GABBR2: variants seen among roughly 807,000 people sequenced by gnomAD.
GABBR2 encodes the protein G-protein coupled receptor 51.
In GABBR2, 23 loss-of-function variants were observed where a neutral mutation model predicts 105.6. The observed-to-expected ratio is 0.22, with a 90% CI of 0.16 to 0.31. The LOEUF is 0.31. GABBR2 is among the 10% of genes least tolerant of loss of function. The probability of loss-of-function intolerance (pLI) is 1.00; values close to 1 mark genes in which losing one functional copy is unlikely to be tolerated. For synonymous variants in GABBR2, 478 were observed against 499.7 expected (o/e 0.96, Z 0.58); for missense variants, 734 against 1,245.5 (o/e 0.59, Z 6.18).
intron 1 of GABBR2, among the ~76,000 whole-genome samples, chr9:98,701,724 C>T (rs910685454): frequency 2.6e-5 from 4 of 152,044 alleles, no homozygotes; most frequent in Non-Finnish European, 4.4e-5. Flanking sequence ...AAAGACACGC[C>T]GGGAGACACA....
At chr9:98,325,503 G>C (rs1479017214) in intron 13 of GABBR2, among the ~76,000 whole-genome samples, 3 of 151,990 alleles carry the variant, frequency 2.0e-5, no homozygotes, top group African/African-American at 7.3e-5. Flanking sequence ...TGTTGGTCAG[G>C]CTGGTCTTGA....
At chr9:98,373,693 C>T (rs12340823) in intron 11 of GABBR2, among the ~76,000 whole-genome samples, 10,069 of 152,210 alleles carry the variant, frequency 0.066, 448 homozygotes, top group Non-Finnish European at 0.095. Flanking sequence ...TTTTTGATAA[C>T]ATTCTCTTGA....
intron 1 of GABBR2, among the ~76,000 whole-genome samples, chr9:98,708,041 TCGGTACCTCGCAGCCCCATGAG>T (rs1260302699): frequency 6.6e-6 from 1 of 152,106 alleles, no homozygotes; most frequent in Non-Finnish European, 1.5e-5. Flanking sequence ...TTCCTCCCAC[TCGGTACCTCGCAGCCCCATGAG>T]CGGGACCTGG....
At chr9:98,565,772 T>C (rs1039424060) in intron 2 of GABBR2, among the ~76,000 whole-genome samples, 1 of 152,142 alleles carries the variant, frequency 6.6e-6, no homozygotes, top group Non-Finnish European at 1.5e-5. Context: ...AGGCACCAGC[T>C]AACAAGCACC....
intron 1 of GABBR2, among the ~76,000 whole-genome samples, chr9:98,593,871 G>A (rs1477218317): frequency 1.3e-5 from 2 of 152,104 alleles, no homozygotes; most frequent in African/African-American, 2.4e-5. Context: ...TATGTGCCTC[G>A]CTTGTCCTCC....
At position 98,651,139 on chromosome 9, in the gene GABBR2, G is replaced by GT. The variant is rs55727456; in HGVS notation, c.321+57277dup. 7.4e-3 allele frequency among the ~76,000 whole-genome samples: 954 copies of GT among 129,390 alleles called. 14 individuals are homozygous for GT. The highest frequency in any genetic ancestry group is 0.011 in the Non-Finnish European group (690 of 60,512). 84.9% of individuals were successfully genotyped at this position (129,390 alleles called of 152,430 possible). On this transcript the variant is annotated intron_variant, in intron 1 of 18. Coordinates refer to ENST00000259455, the MANE Select transcript of GABBR2 (RefSeq NM_005458.8). ...CCCACACACACACATACACACACTG[G>GT]TTTTTTTTTTTTTTTTTTTTTTTTG... is the stretch of plus-strand genomic sequence containing the variant.
At position 98,299,100 on chromosome 9, in the gene GABBR2, T is replaced by C. The variant is rs988564071; in HGVS notation, c.2542+124A>G. 3.2e-5 allele frequency: 26 copies of C among 809,520 alleles called. No individual in the cohort carries two copies. The African/African-American group carries it at 4.1e-4, about 13-fold the overall frequency. 50.1% of individuals were successfully genotyped at this position (809,520 alleles called of 1,614,324 possible). ...GTTCCAGATGCTCCAGCTCTGTGTG[T>C]GTGACTTCATACCAGTCCTGTGCCC... On this transcript the variant is annotated intron_variant, in intron 17 of 18. Coordinates refer to ENST00000259455, the MANE Select transcript of GABBR2 (RefSeq NM_005458.8).
chr9:98,349,094 T>C (rs558532224), intron 13 of GABBR2, among the ~76,000 whole-genome samples: 1 of 145,142 alleles, frequency 6.9e-6, no homozygotes, highest in South Asian at 2.3e-4. Context: ...TGTTGAAATA[T>C]GTTTCTTCTA....
At chr9:98,301,878 C>G (rs1293630649) in intron 16 of GABBR2, among the ~76,000 whole-genome samples, 1 of 152,136 alleles carries the variant, frequency 6.6e-6, no homozygotes, top group South Asian at 2.1e-4. Flanking sequence ...CATCCTAAAG[C>G]AGTCATCTTT....
At chr9:98,706,915 C>G (rs1830902101) in intron 1 of GABBR2, among the ~76,000 whole-genome samples, 1 of 152,160 alleles carries the variant, frequency 6.6e-6, no homozygotes, top group African/African-American at 2.4e-5. Context: ...CAGGCAAAGA[C>G]GAGGGCGATA....
chr9:98,406,510 G>A (rs367822383), intron 7 of GABBR2, among the ~76,000 whole-genome samples: 17 of 152,366 alleles, frequency 1.1e-4, no homozygotes, highest in African/African-American at 4.1e-4. Context: ...TTTGGGCCCG[G>A]CCCTGACTCC....
intron 13 of GABBR2, among the ~76,000 whole-genome samples, chr9:98,322,123 G>T (rs1192427612): frequency 2.0e-5 from 3 of 151,860 alleles, no homozygotes; most frequent in Non-Finnish European, 2.9e-5. Flanking sequence ...ATCCTATTTG[G>T]TCCTCTGCTT....
chr9:98,425,168 T>C (rs1405949076), intron 7 of GABBR2, among the ~76,000 whole-genome samples: 2 of 151,936 alleles, frequency 1.3e-5, no homozygotes, highest in Admixed American at 6.6e-5. Context: ...AAAGGTACAA[T>C]TGGACAGACA....
At chr9:98,407,192 A>G (rs1361546065) in intron 7 of GABBR2, among the ~76,000 whole-genome samples, 2 of 152,120 alleles carry the variant, frequency 1.3e-5, no homozygotes, top group African/African-American at 4.8e-5. Flanking sequence ...CTTTTCTCTC[A>G]CTGTTATGCT....
intron 12 of GABBR2, among the ~76,000 whole-genome samples, chr9:98,365,555 T>C (rs1831661428): frequency 6.6e-6 from 1 of 152,274 alleles, no homozygotes; most frequent in Non-Finnish European, 1.5e-5. Flanking sequence ...TGTTTGTGAC[T>C]GAATGGGTTT....
At chr9:98,409,440 C>A (rs994044751) in intron 7 of GABBR2, among the ~76,000 whole-genome samples, 4 of 152,176 alleles carry the variant, frequency 2.6e-5, no homozygotes, top group African/African-American at 7.2e-5. Flanking sequence ...GACTCTGTCC[C>A]TCCACAGCTC....
At chr9:98,404,454 T>C (rs963126228) in intron 8 of GABBR2, among the ~76,000 whole-genome samples, 1 of 152,166 alleles carries the variant, frequency 6.6e-6, no homozygotes, top group Non-Finnish European at 1.5e-5. Context: ...TTTGTCTGAA[T>C]GAATCTGAAT....
At chr9:98,634,078 C>T (rs1829848933) in intron 1 of GABBR2, among the ~76,000 whole-genome samples, 1 of 152,142 alleles carries the variant, frequency 6.6e-6, no homozygotes, top group African/African-American at 2.4e-5. Flanking sequence ...GCAGTGGAGC[C>T]TTAAGTTGGG....
intron 13 of GABBR2, among the ~76,000 whole-genome samples, chr9:98,319,719 C>G (rs1012494300): frequency 6.6e-6 from 1 of 152,100 alleles, no homozygotes. Flanking sequence ...CTGCATTGAT[C>G]CAGTTTCTCT....
Sources: allele counts gnomAD v4.1 joint callset (sites outside exome capture counted in the v4.1 genomes callset), GRCh38; gene constraint gnomAD v4.1.1; transcripts MANE v1.5; gene names NCBI Gene and HGNC (gene_info 2026-07-23, HGNC 2026-07-21).